Variants in STAG1 observed in about 807,000 individuals in gnomAD.
STAG1 encodes the protein cohesin subunit SA-1.
STAG1 carries 26 observed loss-of-function variants against 170.9 expected under a neutral mutation model. The observed-to-expected ratio is 0.15, with a 90% CI of 0.11 to 0.21. The LOEUF (loss-of-function observed/expected upper bound fraction) is 0.21, where lower values mean the gene tolerates loss of function less well. STAG1 is among the 10% of genes least tolerant of loss of function. The pLI is 1.00. For missense variants in STAG1, 964 were observed against 1,509.5 expected (o/e 0.64, Z 5.99); for synonymous variants, 514 against 497.7 (o/e 1.03, Z -0.44).
At chr3:136,568,650 A>AGC in intron 5 of STAG1, 115 bp downstream of exon 5, 1 of 727,606 alleles carries the variant, frequency 1.4e-6, no homozygotes, top group Non-Finnish European at 2.4e-6. Flanking sequence ...GAAAAAGATT[A>AGC]GCAGATAATC....
chr3:136,344,257 C>T (rs2108261901), intron 29 of STAG1, among the ~76,000 whole-genome samples: 1 of 152,236 alleles, frequency 6.6e-6, no homozygotes, highest in South Asian at 2.1e-4. Flanking sequence ...TGTATGTAAC[C>T]ACTGAATGTT....
At chr3:136,511,724 T>C (rs148117068) in intron 7 of STAG1, among the ~76,000 whole-genome samples, 95 of 152,180 alleles carry the variant, frequency 6.2e-4, no homozygotes, top group African/African-American at 2.2e-3. Flanking sequence ...GGTGACAAAA[T>C]AATCTGTACA....
chr3:136,644,150 T>C (rs1280910925), intron 1 of STAG1, among the ~76,000 whole-genome samples: 1 of 152,174 alleles, frequency 6.6e-6, no homozygotes, highest in Non-Finnish European at 1.5e-5. Context: ...GTGGTAGTTA[T>C]TATACAGTAG....
intron 1 of STAG1, among the ~76,000 whole-genome samples, chr3:136,687,229 C>G (rs1266170762): frequency 6.6e-6 from 1 of 152,150 alleles, no homozygotes; most frequent in Non-Finnish European, 1.5e-5. Context: ...TGATAGAGCA[C>G]AACAGGTAAT....
intron 13 of STAG1, among the ~76,000 whole-genome samples, chr3:136,452,778 A>G (rs1576479514): frequency 6.6e-6 from 1 of 152,118 alleles, no homozygotes; most frequent in Admixed American, 6.5e-5. Flanking sequence ...TAGAATATGT[A>G]ATTTTTAACT....
chr3:136,647,160 T>C (rs547290368), intron 1 of STAG1, among the ~76,000 whole-genome samples: 11 of 152,276 alleles, frequency 7.2e-5, no homozygotes, highest in African/African-American at 2.4e-4. Flanking sequence ...GCATAAATAA[T>C]TGTGGCACAG....
intron 21 of STAG1, among the ~76,000 whole-genome samples, chr3:136,407,468 A>G (rs1164044078): frequency 3.9e-5 from 6 of 152,052 alleles, no homozygotes; most frequent in Non-Finnish European, 8.8e-5. Context: ...ATTGCTAAAT[A>G]ATTATTTTCT....
Position 136,544,303 on chromosome 3 carries a change from C to A in STAG1, c.395-2108G>T, listed in dbSNP as rs147516183. ...TGTCCCTCCTCAGTCATTTTCAATT[C>A]TCCTCCTCTATTCTATGATGTCAGC... On this transcript the variant is annotated intron_variant, in intron 5 of 33. Coordinates refer to ENST00000383202, the MANE Select transcript of STAG1 (RefSeq NM_005862.3). Among the ~76,000 whole-genome samples, 23 of 152,280 alleles carry A rather than the reference C, an allele frequency of 1.5e-4. No individual in the cohort carries two copies. The East Asian group carries it at 3.9e-3, about 26-fold the overall frequency.
At chr3:136,591,434 G>GCCA (rs1336718281) in intron 4 of STAG1, 1 of 205,510 alleles carries the variant, frequency 4.9e-6, no homozygotes, top group South Asian at 5.7e-5. Context: ...TGGCGTCATG[G>GCCA]CCATATGCAC....
At chr3:136,377,792 A>C (rs200080289) in intron 22 of STAG1, 40 bp from the exon 23 acceptor site, 2 of 1,542,634 alleles carry the variant, frequency 1.3e-6, no homozygotes. Context: ...GAATTACAGG[A>C]TCACAGAAAA....
At chr3:136,652,550 T>C (rs983308224) in intron 1 of STAG1, among the ~76,000 whole-genome samples, 36 of 152,312 alleles carry the variant, frequency 2.4e-4, no homozygotes, top group Non-Finnish European at 5.1e-4. Context: ...GTAAAGGTTC[T>C]GGCCAATGTT....
At chr3:136,674,759 A>G (rs1047927480) in intron 1 of STAG1, among the ~76,000 whole-genome samples, 1 of 152,192 alleles carries the variant, frequency 6.6e-6, no homozygotes, top group African/African-American at 2.4e-5. Context: ...AATATGTACC[A>G]TTTACTGCAT....
chr3:136,451,697 A>G (rs1438612888), intron 14 of STAG1, among the ~76,000 whole-genome samples: 1 of 152,056 alleles, frequency 6.6e-6, no homozygotes, highest in Non-Finnish European at 1.5e-5. Context: ...TGGGAGGCAG[A>G]GGCTGCAGTG....
At chr3:136,742,401 A>G (rs1382376499) in intron 1 of STAG1, among the ~76,000 whole-genome samples, 1 of 152,006 alleles carries the variant, frequency 6.6e-6, no homozygotes, top group African/African-American at 2.4e-5. Context: ...GTTATCTAGA[A>G]TAATCCCAAA....
At chr3:136,408,078 C>T (rs2087532862) in intron 21 of STAG1, among the ~76,000 whole-genome samples, 1 of 152,054 alleles carries the variant, frequency 6.6e-6, no homozygotes, top group Non-Finnish European at 1.5e-5. Flanking sequence ...TTCTCATCAT[C>T]CTTTATCCTT....
At chr3:136,415,641 A>G (rs534824593) in intron 21 of STAG1, among the ~76,000 whole-genome samples, 1 of 152,312 alleles carries the variant, frequency 6.6e-6, no homozygotes, top group African/African-American at 2.4e-5. Context: ...AGTTCAAGAC[A>G]GCCTGGCCAA....
chr3:136,515,492 A>G (rs1255926977), intron 7 of STAG1, among the ~76,000 whole-genome samples: 4 of 152,210 alleles, frequency 2.6e-5, no homozygotes, highest in African/African-American at 9.6e-5. Flanking sequence ...TAAGCTTCCC[A>G]ATACTACCAC....
intron 13 of STAG1, among the ~76,000 whole-genome samples, chr3:136,453,969 C>T (rs993949314): frequency 2.6e-5 from 4 of 151,776 alleles, no homozygotes; most frequent in African/African-American, 9.7e-5. Context: ...GACTAGAGAA[C>T]TTATCTTGAA....
intron 3 of STAG1, among the ~76,000 whole-genome samples, chr3:136,616,743 C>A (rs928832925): frequency 4.9e-4 from 75 of 152,166 alleles, no homozygotes; most frequent in Non-Finnish European, 3.2e-4. Context: ...CTTGCCTCTA[C>A]AAAAACTTAG....
Sources: gnomAD v4.1 joint callset for allele counts (sites outside exome capture counted in the v4.1 genomes callset) on GRCh38, gnomAD v4.1.1 for gene constraint, MANE v1.5 for transcripts, NCBI Gene and HGNC (gene_info 2026-07-23, HGNC 2026-07-21) for gene names.